BICC1: variants seen among roughly 807,000 people sequenced by gnomAD.
The protein encoded by BICC1 is BicC family RNA binding protein 1.
A neutral mutation model predicts 111.0 loss-of-function variants in BICC1; 43 were observed. That is an observed-to-expected ratio of 0.39 (90% confidence interval 0.30 to 0.50). BICC1 has a LOEUF of 0.50. BICC1 is among the 20% of genes least tolerant of loss of function. The pLI is 0.88. For missense variants in BICC1, 1,091 were observed against 1,203.2 expected (o/e 0.91, Z 1.38); for synonymous variants, 467 against 434.4 (o/e 1.07, Z -0.93).
intron 9 of BICC1, among the ~76,000 whole-genome samples, 158 bp from the exon 10 acceptor site, chr10:58,796,182 C>G (rs1426347999): frequency 6.6e-6 from 1 of 152,044 alleles, no homozygotes; most frequent in Non-Finnish European, 1.5e-5. Context: ...ATCTTAAGCA[C>G]GAAGTGGTTA....
At position 58,513,119 on chromosome 10, in the gene BICC1, G is replaced by A; in HGVS notation, c.-25G>A. The stretch of plus-strand genomic sequence containing the variant: ...CGCAGGCAGAGCGGCGGCGGCAGCG[G>A]GAGCCCGAGCGCTGCGCGCCCACCA... On this transcript the variant is annotated 5_prime_UTR_variant, in exon 1 of 21. Transcript: ENST00000373886. 1 of 1,391,634 alleles carries A rather than the reference G, an allele frequency of 7.2e-7. No homozygotes were observed. The highest frequency in any genetic ancestry group is 9.3e-7 in the Non-Finnish European group (1 of 1,076,374). 86.2% of individuals were successfully genotyped at this position (1,391,634 alleles called of 1,614,324 possible). A position where few individuals can be genotyped will look rare whatever the true frequency, so the allele number is the denominator to read the frequency against.
At chr10:58,529,266 T>C (rs1055928316) in intron 1 of BICC1, among the ~76,000 whole-genome samples, 2 of 151,896 alleles carry the variant, frequency 1.3e-5, no homozygotes, top group Non-Finnish European at 2.9e-5. Flanking sequence ...ATATCTAGCA[T>C]CTAAACCACT....
intron 2 of BICC1, among the ~76,000 whole-genome samples, chr10:58,635,910 CA>C (rs778207567): frequency 4.6e-5 from 7 of 152,168 alleles, no homozygotes; most frequent in Middle Eastern, 6.3e-3. Flanking sequence ...TGGACTAGCC[CA>C]GCCTGTGATG....
At chr10:58,800,465 A>G (rs1589151783) in intron 13 of BICC1, 139 bp downstream of exon 13, 1 of 785,242 alleles carries the variant, frequency 1.3e-6, no homozygotes, top group East Asian at 2.9e-5. Context: ...TGGAAAGACA[A>G]CATCCTGAAT....
Position 58,651,218 on chromosome 10 carries a change from A to G in BICC1, c.237+30317A>G, listed in dbSNP as rs934454122. Among the ~76,000 whole-genome samples the G allele has an allele frequency of 5.9e-5, 9 of 152,308 alleles. No individual in the cohort carries two copies. The East Asian group carries it at 1.4e-3, about 23-fold the overall frequency. On this transcript the variant is annotated intron_variant, in intron 2 of 20. Coordinates refer to ENST00000373886, the MANE Select transcript of BICC1 (RefSeq NM_001080512.3). ...CCTTGTTCACAAATACTTCCTCTGCACAGTGAGATGGGTTGTCTGTCTTGG... is the reference window on the plus strand; with the variant it reads ...CCTTGTTCACAAATACTTCCTCTGCGCAGTGAGATGGGTTGTCTGTCTTGG...
chr10:58,513,906 G>T (rs1045144296), intron 1 of BICC1, among the ~76,000 whole-genome samples: 1 of 152,230 alleles, frequency 6.6e-6, no homozygotes, highest in African/African-American at 2.4e-5. Context: ...CAAAGCGAGG[G>T]GGGAGTGTGG....
At chr10:58,728,494 T>C (rs1841183154) in intron 3 of BICC1, among the ~76,000 whole-genome samples, 1 of 152,142 alleles carries the variant, frequency 6.6e-6, no homozygotes, top group Non-Finnish European at 1.5e-5. Flanking sequence ...CTACTCTCTT[T>C]ACTGAAGTCT....
intron 3 of BICC1, among the ~76,000 whole-genome samples, chr10:58,756,874 A>T (rs1005858306): frequency 2.6e-5 from 4 of 152,106 alleles, no homozygotes; most frequent in Non-Finnish European, 4.4e-5. Context: ...AAACTCAGGG[A>T]CTTCGTAGAT....
rs146055845 is a variant in BICC1 at position 58,601,766 on chromosome 10, A to G, written c.191-19089A>G. Among the ~76,000 whole-genome samples, 246 of 152,254 alleles carry G rather than the reference A, an allele frequency of 1.6e-3. 1 individual carries two copies. The highest frequency in any genetic ancestry group is 5.7e-3 in the African/African-American group (236 of 41,580). ...TCAGGGTTATAATTATATAAATTAT[A>G]CAATCTTCAACTGAGGTAAAATCTT... On this transcript the variant is annotated intron_variant, in intron 1 of 20. Transcript: ENST00000373886.
At chr10:58,769,228 A>G (rs1016897214) in intron 3 of BICC1, among the ~76,000 whole-genome samples, 8 of 151,624 alleles carry the variant, frequency 5.3e-5, no homozygotes, top group Non-Finnish European at 1.2e-4. Context: ...TGTGGTGACT[A>G]TAGCTCATAA....
chr10:58,707,758 C>T (rs12265281), intron 3 of BICC1, among the ~76,000 whole-genome samples: 3,037 of 151,910 alleles, frequency 0.02, 114 homozygotes, highest in African/African-American at 0.069. Flanking sequence ...AGTGCAATGG[C>T]GCAATCTCGG....
In BICC1 at chr10:58,622,665, A is replaced by G. The variant is rs144636546; in HGVS notation, c.237+1764A>G. 4.6e-3 allele frequency among the ~76,000 whole-genome samples: 694 copies of G among 152,302 alleles called. 13 individuals carry two copies. The highest frequency in any genetic ancestry group is 0.016 in the African/African-American group (657 of 41,572). On this transcript the variant is annotated intron_variant, in intron 2 of 20. Coordinates refer to ENST00000373886, the MANE Select transcript of BICC1 (RefSeq NM_001080512.3). ...GTGTCCGTATAGGATTTGCATACTC[A>G]TCCAGCAAAAAATCTCTAACTTAGA...
At chr10:58,748,481 G>A (rs1337201734) in intron 3 of BICC1, among the ~76,000 whole-genome samples, 1 of 152,114 alleles carries the variant, frequency 6.6e-6, no homozygotes, top group African/African-American at 2.4e-5. Flanking sequence ...TGGGGAGAAT[G>A]AAAATACCTC....
chr10:58,703,809 G>A (rs1840310640), intron 3 of BICC1, among the ~76,000 whole-genome samples: 1 of 152,256 alleles, frequency 6.6e-6, no homozygotes, highest in Admixed American at 6.5e-5. Context: ...AATAAAATTA[G>A]CTTTATTACT....
chr10:58,789,191 A>G, intron 6 of BICC1, 71 bp from the exon 7 acceptor site: 5 of 1,292,660 alleles, frequency 3.9e-6, no homozygotes, highest in Admixed American at 2.0e-5. Context: ...AAAAGAACCA[A>G]TGAATGATAC....
intron 1 of BICC1, among the ~76,000 whole-genome samples, chr10:58,554,703 T>C (rs1843394844): frequency 6.6e-6 from 1 of 152,014 alleles, no homozygotes; most frequent in African/African-American, 2.4e-5. Context: ...ACACATTCAT[T>C]ATGGCTAAAA....
chr10:58,617,918 AC>A (rs1315458964), intron 1 of BICC1, among the ~76,000 whole-genome samples: 2 of 152,400 alleles, frequency 1.3e-5, no homozygotes, highest in African/African-American at 4.8e-5. Context: ...GTACAAAGCA[AC>A]ATTGGTGTAA....
chr10:58,556,404 A>C (rs552854080), intron 1 of BICC1, among the ~76,000 whole-genome samples: 8 of 152,240 alleles, frequency 5.3e-5, no homozygotes, highest in Admixed American at 3.3e-4. Context: ...CTTAGCATCA[A>C]AGTTTGCAGC....
chr10:58,811,656 C>A (rs184908715), intron 17 of BICC1, among the ~76,000 whole-genome samples: 49 of 152,246 alleles, frequency 3.2e-4, no homozygotes, highest in African/African-American at 1.1e-3. Context: ...ATACAAGGTT[C>A]TTACTTTCTC....
Sources: gnomAD v4.1 joint callset for allele counts (sites outside exome capture counted in the v4.1 genomes callset) on GRCh38, gnomAD v4.1.1 for gene constraint, MANE v1.5 for transcripts, NCBI Gene and HGNC (gene_info 2026-07-23, HGNC 2026-07-21) for gene names.